The following PDE2A variants were observed in gnomAD, a reference collection of about 807,000 sequenced individuals.
PDE2A encodes the protein cGMP-dependent 3',5'-cyclic phosphodiesterase.
In PDE2A, 53 loss-of-function variants were observed where a neutral mutation model predicts 133.6. The observed-to-expected ratio is 0.40, with a 90% confidence interval of 0.32 to 0.50. The LOEUF is 0.50. Among genes scored for constraint, PDE2A ranks in the 20% least tolerant of loss-of-function variants. The probability of loss-of-function intolerance (pLI) is 0.73; values close to 1 mark genes in which losing one functional copy is unlikely to be tolerated. For synonymous variants in PDE2A, 491 were observed against 490.2 expected (o/e 1.00, Z -0.02); for missense variants, 796 against 1,232.4 (o/e 0.65, Z 5.30).
intron 25 of PDE2A, chr11:72,579,937 T>A (rs1469593786): frequency 3.3e-6 from 1 of 300,216 alleles, no homozygotes; most frequent in Non-Finnish European, 6.2e-6. Context: ...GCAGAACACA[T>A]TTGTTTGCTG....
Position 72,581,483 on chromosome 11 carries a change from G to T in PDE2A, c.1923-4C>A, listed in dbSNP as rs369363586. ...CTTCTTCACCATCAAACAGAACCTGGGGGAGGGAAGAGGGCAGAAGAGGGG... is the reference window on the plus strand; with the variant it reads ...CTTCTTCACCATCAAACAGAACCTGTGGGAGGGAAGAGGGCAGAAGAGGGG... On this transcript the variant is annotated splice_polypyrimidine_tract_variant and splice_region_variant and intron_variant, in intron 22 of 30. Transcript: ENST00000334456. 1.3e-5 allele frequency: 21 copies of T among 1,589,526 alleles called. No homozygotes were observed. Among genetic ancestry groups the T allele is most frequent in the Admixed American group, 1.8e-5 (1 of 54,630 alleles).
chr11:72,630,960 C>T (rs1858349720), intron 2 of PDE2A: 2 of 776,056 alleles, frequency 2.6e-6, no homozygotes, highest in East Asian at 2.7e-5. Flanking sequence ...AGGGCTGGGG[C>T]TGGGATGTGA....
chr11:72,638,792 A>T (rs1302798025), intron 2 of PDE2A, among the ~76,000 whole-genome samples: 1 of 152,256 alleles, frequency 6.6e-6, no homozygotes, highest in Non-Finnish European at 1.5e-5. Context: ...TTCCAGCCAG[A>T]GACAATGGGA....
At chr11:72,656,868 A>G (rs538306396) in intron 1 of PDE2A, among the ~76,000 whole-genome samples, 7 of 152,108 alleles carry the variant, frequency 4.6e-5, no homozygotes, top group African/African-American at 1.7e-4. Context: ...GAACCCTCCC[A>G]TTTAAAAATC....
At chr11:72,618,504 A>T (rs1369475407) in intron 2 of PDE2A, among the ~76,000 whole-genome samples, 1 of 152,092 alleles carries the variant, frequency 6.6e-6, no homozygotes, top group Non-Finnish European at 1.5e-5. Flanking sequence ...CAAGGCACAG[A>T]GCCCTCCTCC....
chr11:72,618,038 C>A (rs1313494944), intron 2 of PDE2A, among the ~76,000 whole-genome samples: 1 of 152,198 alleles, frequency 6.6e-6, no homozygotes, highest in Non-Finnish European at 1.5e-5. Flanking sequence ...CTTTGTTAAA[C>A]ATAAATGTGA....
intron 1 of PDE2A, chr11:72,643,312 C>G (rs1400596265): frequency 6.6e-6 from 1 of 152,270 alleles, no homozygotes; most frequent in African/African-American, 2.4e-5. Context: ...CCGGACCGAC[C>G]CGGTTCTTAG....
chr11:72,590,496 C>T lies in PDE2A; in HGVS notation c.634G>A (p.Gly212Arg). 1 of 1,518,510 alleles carries T rather than the reference C, an allele frequency of 6.6e-7. No individual in the cohort carries two copies. The highest frequency in any genetic ancestry group is 2.1e-5 in the Admixed American group (1 of 46,630). The allele number at this position is 1,518,510 out of a possible 1,614,324, so 94.1% of individuals were successfully genotyped here. The change falls in exon 8 of 31, where the codon GGG becomes AGG. Residue 212 changes from glycine (G) to arginine (R), a missense_variant. This residue lies in a region of PDE2A where 417 missense variants were observed against 475.3 expected (regional missense o/e 0.88). Transcript: ENST00000334456. This position sits in a 1 kb window ranked among gnomAD's most constrained non-coding sequence, Gnocchi z 4.8. ...CCGCCCTTCTGGTCTTCCGCCGTCC[C>T]CTCCGGGGGGTTCTGGACGGCTCGG... ...APRAVQNPPE[G>R]TAEDQKGGAA... is the part of the protein sequence containing the mutation.
chr11:72,647,231 A>G (rs1388116649), intron 1 of PDE2A, among the ~76,000 whole-genome samples: 1 of 152,194 alleles, frequency 6.6e-6, no homozygotes, highest in Non-Finnish European at 1.5e-5. Flanking sequence ...CTGCTGCCTG[A>G]CATGCATCTA....
intron 1 of PDE2A, among the ~76,000 whole-genome samples, chr11:72,650,390 C>G (rs1180523461): frequency 1.3e-5 from 2 of 152,074 alleles, no homozygotes; most frequent in Non-Finnish European, 2.9e-5. Context: ...ATCCTTCTCT[C>G]TGAGTCTCCA....
chr11:72,621,854 G>A (rs1017488404), intron 2 of PDE2A: 5 of 152,172 alleles, frequency 3.3e-5, no homozygotes, highest in Admixed American at 3.3e-4. Flanking sequence ...TCTACCTTTG[G>A]TGAAATGACA....
At chr11:72,670,295 G>A (rs986082503) in intron 1 of PDE2A, among the ~76,000 whole-genome samples, 4 of 152,180 alleles carry the variant, frequency 2.6e-5, no homozygotes, top group Non-Finnish European at 5.9e-5. Context: ...CACTGGCTCT[G>A]TCCATCTGCC....
intron 1 of PDE2A, among the ~76,000 whole-genome samples, chr11:72,648,125 GA>G (rs1565191463): frequency 6.6e-6 from 1 of 152,164 alleles, no homozygotes; most frequent in Admixed American, 6.5e-5. Context: ...GCCCAGGTCA[GA>G]GAGAGAGCAA....
chr11:72,579,507 T>TCCCCCCCCCCC, intron 26 of PDE2A, 27 bp downstream of exon 26: 1 of 1,354,170 alleles, frequency 7.4e-7, no homozygotes, highest in Non-Finnish European at 1.0e-6. Flanking sequence ...TCCCCCTCAA[T>TCCCCCCCCCCC]CCCCACCCCA....
chr11:72,579,792 G>A, intron 25 of PDE2A, 184 bp from the exon 26 acceptor site: 2 of 593,044 alleles, frequency 3.4e-6, no homozygotes, highest in Non-Finnish European at 6.0e-6. Context: ...TGTGACCCAG[G>A]GTGAGTCCCT....
In PDE2A at chr11:72,640,033, G is replaced by A. The variant is rs534356200; in HGVS notation, c.144+2221C>T. 5.3e-5 allele frequency among the ~76,000 whole-genome samples: 8 copies of A among 151,376 alleles called. No homozygotes were observed. In the South Asian group the frequency reaches 1.1e-3, roughly 20 times the overall value. On this transcript the variant is annotated intron_variant, in intron 2 of 30. Coordinates refer to ENST00000334456, the MANE Select transcript of PDE2A (RefSeq NM_002599.5). ...CCTCAACACCCCCAACACACACACC[G>A]CCAGCTCACTGGCCATCCTCCACTC...
intron 24 of PDE2A, 105 bp downstream of exon 24, chr11:72,580,781 C>A (rs539257572): frequency 2.1e-6 from 2 of 968,916 alleles, no homozygotes; most frequent in South Asian, 1.3e-5. Context: ...GTGTCTAAAC[C>A]TGGCTCCTGG....
intron 12 of PDE2A, 69 bp from the exon 13 acceptor site, chr11:72,588,983 CA>C (rs1250787878): frequency 2.0e-5 from 31 of 1,522,318 alleles, no homozygotes; most frequent in Admixed American, 1.6e-4. Flanking sequence ...AGCCCTCCAT[CA>C]CATTTTGCAA....
chr11:72,627,717 T>C (rs898910178), intron 2 of PDE2A, among the ~76,000 whole-genome samples: 4 of 152,222 alleles, frequency 2.6e-5, no homozygotes, highest in Non-Finnish European at 5.9e-5. Flanking sequence ...TCAGTACTTA[T>C]TGTGGATGTC....
Sources: gnomAD v4.1 joint callset for allele counts (sites outside exome capture counted in the v4.1 genomes callset) on GRCh38, gnomAD v4.1.1 for gene constraint, gnomAD v4.1.1 regional missense constraint, Gnocchi (gnomAD v3.1) non-coding constraint, MANE v1.5 for transcripts, NCBI Gene and HGNC (gene_info 2026-07-23, HGNC 2026-07-21) for gene names.